Variants in GPC6 observed in about 807,000 individuals in gnomAD.
GPC6 encodes the protein glypican 6.
GPC6 carries 14 observed loss-of-function variants against 55.2 expected under a neutral mutation model. That is an observed-to-expected ratio of 0.25 (90% CI 0.17 to 0.40). The LOEUF is 0.40. Among genes scored for constraint, GPC6 ranks in the 10% least tolerant of loss-of-function variants. The pLI, the probability that GPC6 is intolerant of heterozygous loss-of-function variation, is 1.00. For missense variants in GPC6, 641 were observed against 708.5 expected, an observed-to-expected ratio of 0.90 and a Z score of 1.08; for synonymous variants, 278 against 259.6, an observed-to-expected ratio of 1.07 and a Z score of -0.68.
At chr13:93,687,690 G>A (rs1263506565) in intron 2 of GPC6, among the ~76,000 whole-genome samples, 1 of 151,976 alleles carries the variant, frequency 6.6e-6, no homozygotes, top group Non-Finnish European at 1.5e-5. Flanking sequence ...CCCAATAAGT[G>A]CTAACATATT....
intron 3 of GPC6, among the ~76,000 whole-genome samples, chr13:94,026,422 C>G (rs1401877149): frequency 1.3e-5 from 2 of 151,758 alleles, no homozygotes; most frequent in Non-Finnish European, 2.9e-5. Flanking sequence ...CCTGTGAGCT[C>G]AAGTCCACCA....
chr13:93,734,924 A>G (rs1369134606), intron 2 of GPC6, among the ~76,000 whole-genome samples: 3 of 152,180 alleles, frequency 2.0e-5, no homozygotes, highest in African/African-American at 7.2e-5. Flanking sequence ...GTACTAAATT[A>G]TATTAACTCC....
At chr13:94,342,845 G>C (rs963848241) in intron 6 of GPC6, among the ~76,000 whole-genome samples, 1 of 152,060 alleles carries the variant, frequency 6.6e-6, no homozygotes, top group African/African-American at 2.4e-5. Flanking sequence ...AGACTGTCTC[G>C]CCAGCTCCCC....
At chr13:94,010,180 G>GA (rs1402106876) in intron 3 of GPC6, among the ~76,000 whole-genome samples, 1 of 152,032 alleles carries the variant, frequency 6.6e-6, no homozygotes, top group African/African-American at 2.4e-5. Flanking sequence ...AAGTCTGGGG[G>GA]AAAAAATGTT....
At chr13:94,271,368 GCGCGCGCGCGCGCGCA>G (rs1892010579) in intron 4 of GPC6, among the ~76,000 whole-genome samples, 1 of 88,840 alleles carries the variant, frequency 1.1e-5, no homozygotes, top group African/African-American at 4.3e-5. Context: ...ACACACACAC[GCGCGCGCGCGCGCGCA>G]CACACACACA....
At chr13:93,403,910 T>C (rs1876188361) in intron 1 of GPC6, among the ~76,000 whole-genome samples, 1 of 152,174 alleles carries the variant, frequency 6.6e-6, no homozygotes, top group Non-Finnish European at 1.5e-5. Context: ...TGTCTTAATA[T>C]ACCTTTCTTA....
intron 1 of GPC6, among the ~76,000 whole-genome samples, chr13:93,316,003 A>AT (rs1013794587): frequency 6.6e-5 from 10 of 152,138 alleles, no homozygotes; most frequent in African/African-American, 2.4e-4. Flanking sequence ...AGTCTCAATG[A>AT]TTTTTTCACA....
At chr13:93,971,952 C>T (rs879220460) in intron 3 of GPC6, among the ~76,000 whole-genome samples, 4 of 152,118 alleles carry the variant, frequency 2.6e-5, no homozygotes, top group Admixed American at 2.6e-4. Context: ...GAGTATCCAG[C>T]GTCAGGCTAG....
intron 2 of GPC6, among the ~76,000 whole-genome samples, chr13:93,686,896 C>T (rs896274370): frequency 8.6e-5 from 13 of 151,884 alleles, no homozygotes; most frequent in Non-Finnish European, 1.5e-4. Context: ...TCTTTATATT[C>T]TCTAATATAT....
Position 94,406,245 on chromosome 13 carries a change from T to C in GPC6, c.*3028T>C, listed in dbSNP as rs1366439024. The C allele has an allele frequency of 6.6e-6, 1 of 152,158 alleles. No homozygotes were observed. Among genetic ancestry groups the C allele is most frequent in the Non-Finnish European group, 1.5e-5 (1 of 67,982 alleles). 9.4% of individuals were successfully genotyped at this position (152,158 alleles called of 1,614,324 possible). The stretch of plus-strand genomic sequence containing the variant: ...TTCTAACAGAAATACACGTCTGTAA[T>C]TGGTATATATTATACTTTGTATGTG... On this transcript the variant is annotated 3_prime_UTR_variant, in exon 9 of 9. Transcript: ENST00000377047.
intron 3 of GPC6, among the ~76,000 whole-genome samples, chr13:93,992,906 T>C (rs536905737): frequency 6.6e-6 from 1 of 152,330 alleles, no homozygotes; most frequent in Non-Finnish European, 1.5e-5. Context: ...AGTTTGTCTC[T>C]AAACTCATCA....
intron 3 of GPC6, among the ~76,000 whole-genome samples, chr13:93,949,563 AC>A (rs1879162219): frequency 6.6e-6 from 1 of 152,184 alleles, no homozygotes; most frequent in African/African-American, 2.4e-5. Flanking sequence ...TTCACCTTTA[AC>A]CTGACTTAAT....
intron 2 of GPC6, among the ~76,000 whole-genome samples, chr13:93,615,104 A>G (rs960737901): frequency 1.3e-5 from 2 of 152,002 alleles, no homozygotes; most frequent in East Asian, 3.9e-4. Flanking sequence ...TTTTCTTTAA[A>G]TTTTTTCTCA....
intron 4 of GPC6, among the ~76,000 whole-genome samples, chr13:94,043,928 T>C (rs1883632305): frequency 6.6e-6 from 1 of 151,882 alleles, no homozygotes. Context: ...GTTATATTCA[T>C]TGGTAATAGA....
At chr13:93,650,904 A>G (rs140977358) in intron 2 of GPC6, among the ~76,000 whole-genome samples, 171 of 152,166 alleles carry the variant, frequency 1.1e-3, no homozygotes, top group African/African-American at 3.9e-3. Flanking sequence ...TAATTTGATG[A>G]TACACTGTCA....
At chr13:93,332,169 G>T (rs1879872562) in intron 1 of GPC6, among the ~76,000 whole-genome samples, 2 of 151,952 alleles carry the variant, frequency 1.3e-5, no homozygotes, top group Admixed American at 1.3e-4. Flanking sequence ...ATAAACATGG[G>T]AATGCAGATA....
At chr13:93,842,580 C>T (rs994031212) in intron 3 of GPC6, among the ~76,000 whole-genome samples, 1 of 152,084 alleles carries the variant, frequency 6.6e-6, no homozygotes, top group Non-Finnish European at 1.5e-5. Context: ...CTGTCCAAGA[C>T]TTCCCTCTTG....
intron 6 of GPC6, among the ~76,000 whole-genome samples, chr13:94,320,796 G>A (rs1160343654): frequency 6.6e-6 from 1 of 152,130 alleles, no homozygotes; most frequent in Non-Finnish European, 1.5e-5. Context: ...CCAACTTGTT[G>A]ACTCCTACAT....
intron 1 of GPC6, among the ~76,000 whole-genome samples, chr13:93,315,451 T>TA (rs1879214264): frequency 6.6e-6 from 1 of 151,926 alleles, no homozygotes; most frequent in South Asian, 2.1e-4. Flanking sequence ...TTTTGCTTTT[T>TA]AAATCAGTAA....
Sources: gnomAD v4.1 joint callset for allele counts (sites outside exome capture counted in the v4.1 genomes callset) on GRCh38, gnomAD v4.1.1 for gene constraint, MANE v1.5 for transcripts, NCBI Gene and HGNC (gene_info 2026-07-23, HGNC 2026-07-21) for gene names.